The following MAPT variants were observed in gnomAD, a reference collection of about 807,000 sequenced individuals.
The protein encoded by MAPT is microtubule associated protein tau.
In MAPT, 34 loss-of-function variants were observed where a neutral mutation model predicts 67.9. The observed-to-expected ratio is 0.50, with a 90% CI of 0.38 to 0.67. MAPT has a LOEUF of 0.67. Ranked by LOEUF, MAPT falls within the 30% of genes least tolerant of loss-of-function variation. The pLI, the probability that MAPT is intolerant of heterozygous loss-of-function variation, is 0.00. For missense variants in MAPT, 881 were observed against 1,115.2 expected, an observed-to-expected ratio of 0.79 and a Z score of 2.99; for synonymous variants, 456 against 464.5, an observed-to-expected ratio of 0.98 and a Z score of 0.23.
chr17:45,996,149 A>G lies in MAPT; in HGVS notation c.1733-250A>G, dbSNP rs1262046299. Among the ~76,000 whole-genome samples the G allele has an allele frequency of 6.6e-6, 1 of 152,110 alleles. No individual in the cohort carries two copies. Among genetic ancestry groups the G allele is most frequent in the Non-Finnish European group, 1.5e-5 (1 of 68,002 alleles). On this transcript the variant is annotated intron_variant, in intron 8 of 12. Transcript: ENST00000262410. The surrounding 1 kb of genome is among the most constrained non-coding windows in gnomAD (Gnocchi z 4.5). ...GTTGGCCACCTCTCTGGGAGCGGGT[A>G]TTGGATGGTGGTTGATGGTTTTCCA...
chr17:45,921,062 A>T (rs1213744495), intron 1 of MAPT, among the ~76,000 whole-genome samples: 4 of 152,104 alleles, frequency 2.6e-5, no homozygotes, highest in Non-Finnish European at 5.9e-5. Context: ...CAAAGTTTTT[A>T]CTCCTTCCTT....
At chr17:46,016,490 G>A (rs753366169) in intron 11 of MAPT, among the ~76,000 whole-genome samples, 3 of 152,028 alleles carry the variant, frequency 2.0e-5, no homozygotes, top group African/African-American at 4.8e-5. Flanking sequence ...TAGTGCTGTC[G>A]GCCAGGCGCG....
intron 1 of MAPT, among the ~76,000 whole-genome samples, chr17:45,903,622 G>A (rs1458561590): frequency 6.9e-6 from 1 of 145,984 alleles, no homozygotes; most frequent in Admixed American, 7.2e-5. Context: ...GGCTGAGGCA[G>A]GGGAATGGCG....
chr17:45,927,520 C>T (rs1218247759), intron 1 of MAPT, among the ~76,000 whole-genome samples: 1 of 152,188 alleles, frequency 6.6e-6, no homozygotes, highest in Non-Finnish European at 1.5e-5. Flanking sequence ...GACCCTATGT[C>T]TGGATCCCAT....
chr17:45,937,986 A>C (rs2067504302), intron 1 of MAPT, among the ~76,000 whole-genome samples: 1 of 152,206 alleles, frequency 6.6e-6, no homozygotes, highest in African/African-American at 2.4e-5. Flanking sequence ...TCAGTCTTTC[A>C]TGATGCGGCC....
At chr17:45,916,580 G>T (rs1322796268) in intron 1 of MAPT, among the ~76,000 whole-genome samples, 2 of 152,162 alleles carry the variant, frequency 1.3e-5, no homozygotes, top group Non-Finnish European at 2.9e-5. Context: ...AAAGAGGAAG[G>T]TAAAACTGTC....
At chr17:46,014,150 C>G in intron 10 of MAPT, 93 bp from the exon 11 acceptor site, 5 of 770,842 alleles carry the variant, frequency 6.5e-6, no homozygotes, top group Non-Finnish European at 1.1e-5. Flanking sequence ...TGAGTTACAC[C>G]CTTAATAAAA....
chr17:45,956,575 TA>T (rs1568230649), intron 1 of MAPT, among the ~76,000 whole-genome samples: 383 of 4,760 alleles, frequency 0.08, 14 homozygotes, highest in Middle Eastern at 0.43. Flanking sequence ...TATATATATA[TA>T]TATATATATA....
chr17:45,949,760 C>T (rs927149056), intron 1 of MAPT, among the ~76,000 whole-genome samples: 2 of 152,084 alleles, frequency 1.3e-5, no homozygotes, highest in African/African-American at 4.8e-5. Flanking sequence ...CTTTCTAGAA[C>T]CTGAGTTATC....
chr17:45,967,033 G>T (rs1023752605), intron 2 of MAPT, among the ~76,000 whole-genome samples: 2 of 152,182 alleles, frequency 1.3e-5, no homozygotes, highest in African/African-American at 4.8e-5. Flanking sequence ...GGCAGAAGGT[G>T]TCACTTTACT....
intron 12 of MAPT, 56 bp downstream of exon 12, chr17:46,018,786 G>C: frequency 8.0e-7 from 1 of 1,252,992 alleles, no homozygotes; most frequent in Non-Finnish European, 1.2e-6. Context: ...CATTAATCAA[G>C]TTGAGTGGAC....
At chr17:45,941,681 T>TTCCCCCCTTCCCC (rs1568207436) in intron 1 of MAPT, among the ~76,000 whole-genome samples, 1 of 42,102 alleles carries the variant, frequency 2.4e-5, no homozygotes, top group African/African-American at 1.7e-4. Context: ...CCCCCTTCCC[T>TTCCCCCCTTCCCC]CCTTCCTTCC....
chr17:45,900,914 A>G (rs2063571596), intron 1 of MAPT, among the ~76,000 whole-genome samples: 1 of 152,180 alleles, frequency 6.6e-6, no homozygotes, highest in Admixed American at 6.5e-5. Flanking sequence ...GCACATAGTA[A>G]CTGCTCAGTA....
chr17:46,005,288 T>TA (rs1386383224), intron 9 of MAPT, among the ~76,000 whole-genome samples: 2 of 152,218 alleles, frequency 1.3e-5, no homozygotes, highest in African/African-American at 4.8e-5. Flanking sequence ...AGCTCAAAGT[T>TA]AAATGTAATG....
At chr17:45,988,924 T>C (rs953777034) in intron 6 of MAPT, among the ~76,000 whole-genome samples, 1 of 151,874 alleles carries the variant, frequency 6.6e-6, no homozygotes, top group Non-Finnish European at 1.5e-5. Flanking sequence ...AGAGTTAACA[T>C]TGGCCAGATT....
chr17:45,904,160 T>A (rs1353530496), intron 1 of MAPT, among the ~76,000 whole-genome samples: 1 of 25,096 alleles, frequency 4.0e-5, no homozygotes, highest in African/African-American at 1.2e-4. Flanking sequence ...ATGTTATATA[T>A]TATATATATT....
rs533610448 is a variant in MAPT, at chr17:45,983,334, A to T, written c.755A>T (p.Asp252Val). ...TRQPSGTGPE[D>V]TEGGRHAPEL... is the part of the protein sequence containing the mutation. ...CAACCTTCGGGGACAGGACCTGAGG[A>T]CACAGAGGGCGGCCGCCACGCCCCT... is the stretch of plus-strand genomic sequence containing the variant. The change falls in exon 5 of 13, where the codon GAC (aspartate) becomes GTC (valine). Residue 252 changes from aspartate to valine, a missense_variant. Around this residue, in one of 6 missense-constraint regions of MAPT, gnomAD observed 687 missense variants for 766.1 expected, o/e 0.90. Transcript: ENST00000262410. 60 of 1,602,660 alleles carry T rather than the reference A, an allele frequency of 3.7e-5. No homozygotes were observed. In the East Asian group the frequency reaches 1.1e-3, roughly 28 times the overall value.
intron 3 of MAPT, among the ~76,000 whole-genome samples, chr17:45,972,481 C>T (rs1006938118): frequency 2.0e-5 from 3 of 152,232 alleles, no homozygotes; most frequent in African/African-American, 7.2e-5. Flanking sequence ...CTGACATGCT[C>T]CTCAGTCCTG....
Position 45,897,849 on chromosome 17 carries a change from C to T in MAPT, c.-18+3163C>T, listed in dbSNP as rs1351902201. On this transcript the variant is annotated intron_variant, in intron 1 of 12. Transcript: ENST00000262410. The surrounding 1 kb of genome is among the most constrained non-coding windows in gnomAD (Gnocchi z 5.0). The stretch of plus-strand genomic sequence containing the variant: ...AATTTGAGTTCTATCTGATCCCCCT[C>T]GGCCCCTTAACTGACCCATCCTACA... The T allele has an allele frequency of 2.6e-5, 4 of 152,258 alleles. No individual in the cohort carries two copies. The highest frequency in any genetic ancestry group is 7.2e-5 in the African/African-American group (3 of 41,446). The allele number at this position is 152,258 out of a possible 1,614,324, so 9.4% of individuals were successfully genotyped here.
Sources: gnomAD v4.1 joint callset for allele counts (sites outside exome capture counted in the v4.1 genomes callset) on GRCh38, gnomAD v4.1.1 for gene constraint, gnomAD v4.1.1 regional missense constraint, Gnocchi (gnomAD v3.1) non-coding constraint, MANE v1.5 for transcripts, NCBI Gene and HGNC (gene_info 2026-07-23, HGNC 2026-07-21) for gene names.